Variants in LRRC3B observed in about 807,000 individuals in gnomAD.
The protein encoded by LRRC3B is leucine rich repeat containing 3B, also known as leucine-rich repeat-containing protein 3B.
LRRC3B carries 2 observed loss-of-function variants against 12.8 expected under a neutral mutation model. The observed-to-expected ratio is 0.16, with a 90% confidence interval of 0.06 to 0.49. The LOEUF (loss-of-function observed/expected upper bound fraction) is 0.49. Among genes scored for constraint, LRRC3B ranks in the 20% least tolerant of loss-of-function variants. The pLI, the probability that LRRC3B is intolerant of heterozygous loss-of-function variation, is 0.96. For missense variants in LRRC3B, 189 were observed against 319.4 expected (o/e 0.59, Z 3.11); for synonymous variants, 132 against 122.0 (o/e 1.08, Z -0.54).
chr3:26,671,413 G>GAGAGAGAGAGAGAGAGACACAC (rs9331540), intron 1 of LRRC3B, among the ~76,000 whole-genome samples: 4 of 99,388 alleles, frequency 4.0e-5, no homozygotes, highest in Non-Finnish European at 7.8e-5. Context: ...GAGAGAGAGA[G>GAGAGAGAGAGAGAGAGACACAC]ACGAAGTCTT....
chr3:26,652,031 G>A (rs757795254), intron 1 of LRRC3B, among the ~76,000 whole-genome samples: 2 of 152,092 alleles, frequency 1.3e-5, no homozygotes, highest in Non-Finnish European at 2.9e-5. Flanking sequence ...CTGCAGAACC[G>A]GCTCTTAACT....
intron 1 of LRRC3B, among the ~76,000 whole-genome samples, chr3:26,679,771 T>C (rs1699932354): frequency 6.6e-6 from 1 of 152,206 alleles, no homozygotes; most frequent in African/African-American, 2.4e-5. Flanking sequence ...ACCTTGTCTG[T>C]TGTGTTCTCT....
At chr3:26,691,391 A>G (rs1223098354) in intron 1 of LRRC3B, among the ~76,000 whole-genome samples, 1 of 151,966 alleles carries the variant, frequency 6.6e-6, no homozygotes, top group Non-Finnish European at 1.5e-5. Flanking sequence ...GAGATTCACA[A>G]GAGCAACTTT....
intron 1 of LRRC3B, among the ~76,000 whole-genome samples, chr3:26,699,256 A>C (rs573039398): frequency 6.6e-6 from 1 of 152,292 alleles, no homozygotes; most frequent in Non-Finnish European, 1.5e-5. Flanking sequence ...GAATGATCTT[A>C]TATTTTAGGA....
At position 26,690,666 on chromosome 3, in the gene LRRC3B, C is replaced by T. The variant is rs919777697; in HGVS notation, c.-160-18847C>T. On this transcript the variant is annotated intron_variant, in intron 1 of 1. Coordinates refer to ENST00000396641, the Ensembl canonical transcript of LRRC3B. ...GAAAAGATGGGTGGTAATCTCAGTT[C>T]TGATTTTCTTTTTTGTTCTTGGGGG... is the stretch of plus-strand genomic sequence containing the variant. 5.3e-5 allele frequency among the ~76,000 whole-genome samples: 8 copies of T among 152,054 alleles called. No homozygotes were observed. In the East Asian group the frequency reaches 1.4e-3, roughly 26 times the overall value.
intron 1 of LRRC3B, among the ~76,000 whole-genome samples, chr3:26,654,879 T>C (rs1191527740): frequency 2.0e-5 from 3 of 152,224 alleles, no homozygotes; most frequent in Non-Finnish European, 4.4e-5. Flanking sequence ...GCCTGTGTCA[T>C]ATTAGTGGGC....
At chr3:26,693,703 A>C (rs1322184941) in intron 1 of LRRC3B, among the ~76,000 whole-genome samples, 6 of 152,380 alleles carry the variant, frequency 3.9e-5, no homozygotes, top group African/African-American at 1.4e-4. Flanking sequence ...AGCAGTAACT[A>C]GTAACTACTA....
chr3:26,686,002 C>T (rs920613893), intron 1 of LRRC3B, among the ~76,000 whole-genome samples: 2 of 152,116 alleles, frequency 1.3e-5, no homozygotes, highest in Non-Finnish European at 2.9e-5. Context: ...GTTACTTGTT[C>T]ATTAATAGAC....
intron 1 of LRRC3B, among the ~76,000 whole-genome samples, chr3:26,654,507 G>A (rs1312504491): frequency 6.6e-6 from 1 of 152,152 alleles, no homozygotes; most frequent in Non-Finnish European, 1.5e-5. Context: ...ATGCAAATGA[G>A]GATTACCTGT....
At chr3:26,645,375 A>G (rs1203348812) in intron 1 of LRRC3B, among the ~76,000 whole-genome samples, 1 of 152,138 alleles carries the variant, frequency 6.6e-6, no homozygotes. Context: ...GTCTCTGGTA[A>G]GCAAAGAAAT....
At chr3:26,693,117 T>G (rs930421140) in intron 1 of LRRC3B, among the ~76,000 whole-genome samples, 2 of 151,500 alleles carry the variant, frequency 1.3e-5, no homozygotes, top group Non-Finnish European at 2.9e-5. Context: ...GATCACGAGG[T>G]CAGGAGATCG....
chr3:26,671,576 G>A (rs1037088412), intron 1 of LRRC3B, among the ~76,000 whole-genome samples: 1 of 150,794 alleles, frequency 6.6e-6, no homozygotes, highest in East Asian at 2.0e-4. Flanking sequence ...GTATTTTTTA[G>A]TAGAGACGGG....
At chr3:26,701,062 C>G in intron 1 of LRRC3B, among the ~76,000 whole-genome samples, 1 of 152,074 alleles carries the variant, frequency 6.6e-6, no homozygotes, top group East Asian at 1.9e-4. Context: ...TGTACTTACT[C>G]CTAGATAATA....
intron 1 of LRRC3B, among the ~76,000 whole-genome samples, chr3:26,636,912 T>TTCTC (rs1370380419): frequency 2.0e-5 from 2 of 98,848 alleles, no homozygotes; most frequent in African/African-American, 1.0e-4. Context: ...CTTTCTCTCT[T>TTCTC]TCTCTCTTTC....
intron 1 of LRRC3B, among the ~76,000 whole-genome samples, chr3:26,653,904 A>G (rs1441478138): frequency 2.6e-5 from 4 of 152,210 alleles, no homozygotes; most frequent in Non-Finnish European, 5.9e-5. Context: ...GAATTAGACT[A>G]TATGGATATT....
chr3:26,694,861 C>T (rs138766222), intron 1 of LRRC3B: 1 of 152,152 alleles, frequency 6.6e-6, no homozygotes, highest in Non-Finnish European at 1.5e-5. Context: ...TGGCCAATCT[C>T]TTTGTTTGTT....
At chr3:26,656,331 C>G (rs952470796) in intron 1 of LRRC3B, among the ~76,000 whole-genome samples, 13 of 152,006 alleles carry the variant, frequency 8.6e-5, no homozygotes, top group Non-Finnish European at 1.5e-4. Flanking sequence ...CATGATTGTG[C>G]GGGCAGTTTG....
chr3:26,685,703 C>T (rs1179929151), intron 1 of LRRC3B, among the ~76,000 whole-genome samples: 1 of 149,706 alleles, frequency 6.7e-6, no homozygotes, highest in African/African-American at 2.5e-5. Context: ...TTAGGCAGTG[C>T]AGTTGATGGA....
At chr3:26,678,393 C>T (rs986867931) in intron 1 of LRRC3B, among the ~76,000 whole-genome samples, 2 of 151,924 alleles carry the variant, frequency 1.3e-5, no homozygotes, top group African/African-American at 2.4e-5. Context: ...ACTCGGGAGG[C>T]TGAGGTAGGA....
Sources: allele counts gnomAD v4.1 joint callset (sites outside exome capture counted in the v4.1 genomes callset), GRCh38; gene constraint gnomAD v4.1.1; transcripts MANE v1.5; gene names NCBI Gene and HGNC (gene_info 2026-07-23, HGNC 2026-07-21).